The following C1QTNF5 variants were observed in gnomAD, a reference collection of about 807,000 sequenced individuals.
C1QTNF5 encodes the protein C1q and TNF related 5.
Under a neutral mutation model 10.9 loss-of-function variants are expected in C1QTNF5, and 5 were observed. The observed-to-expected ratio is 0.46, with a 90% CI of 0.24 to 0.97. C1QTNF5 has a LOEUF of 0.97. C1QTNF5 is among the 50% of genes least tolerant of loss of function. The probability of loss-of-function intolerance (pLI) is 0.19; values close to 1 mark genes in which losing one functional copy is unlikely to be tolerated. For synonymous variants in C1QTNF5, 161 were observed against 156.5 expected (o/e 1.03, Z -0.22); for missense variants, 281 against 339.4 (o/e 0.83, Z 1.35).
upstream of C1QTNF5, chr11:119,342,573 G>A: frequency 6.2e-7 from 1 of 1,612,408 alleles, no homozygotes; most frequent in East Asian, 2.2e-5. Context: ...CCTGCTCAGG[G>A]TCCCCAGGGG....
At position 119,339,759 on chromosome 11, in the gene C1QTNF5, G is replaced by C; in HGVS notation, c.304C>G (p.Pro102Ala). 1 of 1,587,318 alleles carries C rather than the reference G, an allele frequency of 6.3e-7. No individual in the cohort carries two copies. Among genetic ancestry groups the C allele is most frequent in the Non-Finnish European group, 8.5e-7 (1 of 1,174,062 alleles). Residue 102 changes from proline (P) to alanine (A), a missense_variant, in exon 3 of 3, where the codon CCG (proline) becomes GCG (alanine). Transcript: ENST00000528368. The surrounding 1 kb of genome is among the most constrained non-coding windows in gnomAD (Gnocchi z 5.4). ...CGCTTGGCGCTGAAGGCGGATCGCGGAGGCACCGAGCACTCCCCGGCAGGC... is the reference window on the plus strand; with the variant it reads ...CGCTTGGCGCTGAAGGCGGATCGCGCAGGCACCGAGCACTCCCCGGCAGGC... Reference protein sequence around the residue: ...TGPAGECSVPPRSAFSAKRSE... With the variant: ...TGPAGECSVPARSAFSAKRSE...
At chr11:119,342,554 G>A (rs1459869171), upstream of C1QTNF5, 2 of 1,609,706 alleles carry the variant, frequency 1.2e-6, no homozygotes, top group Non-Finnish European at 1.7e-6. Context: ...CTGTGAGGTG[G>A]GCACCCAGCC....
chr11:119,341,454 G>A (rs1565292329), upstream of C1QTNF5: 3 of 1,086,328 alleles, frequency 2.8e-6, no homozygotes, highest in Admixed American at 5.8e-5. Flanking sequence ...GATGGGTAGA[G>A]ACCCTGCTGA....
Position 119,339,842 on chromosome 11 carries a change from G to C in C1QTNF5, c.221C>G (p.Pro74Arg). 1 of 1,492,156 alleles carries C rather than the reference G, an allele frequency of 6.7e-7. No homozygotes were observed. Among genetic ancestry groups the C allele is most frequent in the Non-Finnish European group, 8.9e-7 (1 of 1,128,488 alleles). The allele number at this position is 1,492,156 out of a possible 1,614,324, so 92.4% of individuals were successfully genotyped here. Residue 74 changes from proline (P) to arginine (R), a missense_variant, in exon 3 of 3, where the codon CCG becomes CGG. By Grantham distance (103) the Pro-to-Arg change is moderately radical (BLOSUM62 -2). Coordinates refer to ENST00000528368, the MANE Select transcript of C1QTNF5 (RefSeq NM_001278431.2). The surrounding 1 kb of genome is among the most constrained non-coding windows in gnomAD (Gnocchi z 5.4). Reference sequence around the variant, plus strand: ...CGGCCCGGGGTCCCCTCGAGGTCCCGGCAGTCCTGCGGGGTAAGCGGGGCG... The same window carrying C: ...CGGCCCGGGGTCCCCTCGAGGTCCCCGCAGTCCTGCGGGGTAAGCGGGGCG... ...EKGEGGRPGL[P>R]GPRGDPGPRG...
chr11:119,345,056 A>G (rs1427787868), upstream of C1QTNF5: 1 of 1,579,744 alleles, frequency 6.3e-7, no homozygotes, highest in South Asian at 1.2e-5. Context: ...AGGGTCAGCC[A>G]GAGAGGAGCT....
chr11:119,344,318 T>G (rs896038961), upstream of C1QTNF5: 2 of 1,613,704 alleles, frequency 1.2e-6, no homozygotes, highest in Admixed American at 3.3e-5. Context: ...TGCTTACCAG[T>G]TGGTGAGGGT....
In C1QTNF5 at chr11:119,340,424, C is replaced by T. The variant is rs1406129786; in HGVS notation, c.-27G>A. 2 of 1,539,202 alleles carry T rather than the reference C, an allele frequency of 1.3e-6. No individual in the cohort carries two copies. The highest frequency in any genetic ancestry group is 4.9e-5 in the East Asian group (2 of 40,658). On this transcript the variant is annotated 5_prime_UTR_variant, in exon 2 of 3. Transcript: ENST00000528368. Reference sequence around the variant, plus strand: ...GCGCTGGCACCGGGAGCCCGGACGCCGGGGTCCTCTCGCAGTCTGTGGACC... The same window carrying T: ...GCGCTGGCACCGGGAGCCCGGACGCTGGGGTCCTCTCGCAGTCTGTGGACC...
upstream of C1QTNF5, chr11:119,344,197 G>T: frequency 9.2e-7 from 1 of 1,092,298 alleles, no homozygotes; most frequent in Non-Finnish European, 1.4e-6. Context: ...CCGTCTGCTT[G>T]ATCTCTGACC....
upstream of C1QTNF5, chr11:119,343,042 G>A (rs1471676299): frequency 3.2e-6 from 5 of 1,567,118 alleles, no homozygotes; most frequent in Non-Finnish European, 4.3e-6. Context: ...ACCAGCCCTG[G>A]CTGACTGAGG....
chr11:119,344,586 C>G (rs1459964340), upstream of C1QTNF5: 1 of 1,613,298 alleles, frequency 6.2e-7, no homozygotes, highest in African/African-American at 1.3e-5. Flanking sequence ...CCAGCTTGAA[C>G]CCAGATCAGA....
At chr11:119,342,112 G>A (rs1055401617), upstream of C1QTNF5, 32 of 1,127,426 alleles carry the variant, frequency 2.8e-5, no homozygotes, top group Non-Finnish European at 4.0e-5. Context: ...GAAGCAAGAG[G>A]ATAACAAAGA....
Position 119,340,682 on chromosome 11 carries a change from C to A in C1QTNF5, c.-44+13G>T. 2.2e-6 allele frequency: 1 copy of A among 465,022 alleles called. No individual in the cohort carries two copies. The highest frequency in any genetic ancestry group is 2.1e-5 in the African/African-American group (1 of 47,814). 28.8% of individuals were successfully genotyped at this position (465,022 alleles called of 1,614,324 possible). On this transcript the variant is annotated intron_variant, in intron 1 of 2. Transcript: ENST00000528368. ...CCCTCCCCAGCCCCTTTCCCCTCCT[C>A]CGCCAGACTCACCCCCCCTCCCGGC...
upstream of C1QTNF5, chr11:119,345,605 C>G (rs756071297): frequency 1.9e-6 from 3 of 1,613,570 alleles, no homozygotes; most frequent in Middle Eastern, 3.3e-4. Context: ...TGAAGAAGCC[C>G]CTTGGGCCAG....
At chr11:119,345,624 C>T (rs2135373654), upstream of C1QTNF5, 2 of 1,613,626 alleles carry the variant, frequency 1.2e-6, no homozygotes, top group East Asian at 4.5e-5. Context: ...AGAGAGGAGG[C>T]CTCCACAGGC....
chr11:119,346,565 C>G, the C1QTNF5 span: 2 of 1,587,474 alleles, frequency 1.3e-6, no homozygotes, highest in Non-Finnish European at 8.6e-7. Context: ...CCCAAGACCC[C>G]CAAGGGCCCA....
chr11:119,342,780 A>AC (rs1950516080), upstream of C1QTNF5: 14 of 1,612,906 alleles, frequency 8.7e-6, no homozygotes, highest in Non-Finnish European at 1.2e-5. Context: ...CACCCCCAGT[A>AC]CCCCCAGAGT....
At chr11:119,345,403 G>C, upstream of C1QTNF5, 1 of 1,612,306 alleles carries the variant, frequency 6.2e-7, no homozygotes, top group South Asian at 1.1e-5. Flanking sequence ...GGATGTCCTG[G>C]GGACAGAGGG....
chr11:119,341,771 C>T (rs1470428145), upstream of C1QTNF5: 1 of 1,613,128 alleles, frequency 6.2e-7, no homozygotes, highest in South Asian at 1.1e-5. Context: ...GCTTGTCAGG[C>T]TCTGCGGAGG....
chr11:119,342,017 A>G, upstream of C1QTNF5: 11 of 1,612,068 alleles, frequency 6.8e-6, no homozygotes, highest in Non-Finnish European at 9.3e-6. Context: ...CACTGTGGGG[A>G]CTGCTCACTG....
Sources: allele counts gnomAD v4.1 joint callset, GRCh38; gene constraint gnomAD v4.1.1; non-coding constraint Gnocchi (gnomAD v3.1); transcripts MANE v1.5; gene names NCBI Gene and HGNC (gene_info 2026-07-23, HGNC 2026-07-21).